Variants in RAP1GAP2 observed in about 807,000 individuals in gnomAD.
RAP1GAP2 encodes rap1 GTPase-activating protein 2.
RAP1GAP2 carries 27 observed loss-of-function variants against 95.0 expected under a neutral mutation model. That is an observed-to-expected ratio of 0.28 (90% CI 0.21 to 0.39). The LOEUF (loss-of-function observed/expected upper bound fraction) is 0.39, where lower values mean the gene tolerates loss of function less well. Ranked by LOEUF, RAP1GAP2 falls within the 10% of genes least tolerant of loss-of-function variation. The probability of loss-of-function intolerance (pLI) is 1.00; values close to 1 mark genes in which losing one functional copy is unlikely to be tolerated. For synonymous variants in RAP1GAP2, 373 were observed against 380.9 expected, an observed-to-expected ratio of 0.98 and a Z score of 0.24; for missense variants, 771 against 970.0, an observed-to-expected ratio of 0.79 and a Z score of 2.72.
At position 2,965,489 on chromosome 17, in the gene RAP1GAP2, A is replaced by T; in HGVS notation, c.493-51A>T. Reference sequence around the variant, plus strand: ...GAAGGAGGTGGTTTAGGGGGAACATACCTGGAAGGTTTCTTCCTCCTTCCT... The same window carrying T: ...GAAGGAGGTGGTTTAGGGGGAACATTCCTGGAAGGTTTCTTCCTCCTTCCT... On this transcript the variant is annotated intron_variant, in intron 7 of 24. Transcript: ENST00000254695. This position sits in a 1 kb window ranked among gnomAD's most constrained non-coding sequence, Gnocchi z 4.7. 1 of 1,421,494 alleles carries T rather than the reference A, an allele frequency of 7.0e-7. No homozygotes were observed. The highest frequency in any genetic ancestry group is 1.2e-5 in the South Asian group (1 of 81,642). The allele number at this position is 1,421,494 out of a possible 1,614,324, so 88.1% of individuals were successfully genotyped here.
intron 1 of RAP1GAP2, among the ~76,000 whole-genome samples, chr17:2,786,197 A>T (rs1308461656): frequency 6.6e-6 from 1 of 152,188 alleles, no homozygotes; most frequent in East Asian, 1.9e-4. Context: ...CACCGCGCCC[A>T]GCCTGGAGTT....
chr17:3,034,082 G>C lies in RAP1GAP2; in HGVS notation c.*721G>C, dbSNP rs1258381355. On this transcript the variant is annotated 3_prime_UTR_variant, in exon 25 of 25. Coordinates refer to ENST00000254695, the MANE Select transcript of RAP1GAP2 (RefSeq NM_015085.5). This position sits in a 1 kb window ranked among gnomAD's most constrained non-coding sequence, Gnocchi z 5.1. ...CCAGAGCTGGACGGGCCAGAACTGCGCTGCACACTTCCTGGACTGAGGCGG... is the reference window on the plus strand; with the variant it reads ...CCAGAGCTGGACGGGCCAGAACTGCCCTGCACACTTCCTGGACTGAGGCGG... The C allele has an allele frequency of 1.3e-5, 2 of 153,716 alleles. No homozygotes were observed. Among genetic ancestry groups the C allele is most frequent in the Admixed American group, 1.3e-4 (2 of 15,292 alleles). The allele number at this position is 153,716 out of a possible 1,614,324, so 9.5% of individuals were successfully genotyped here.
At chr17:2,962,057 C>G (rs2044358231) in intron 4 of RAP1GAP2, among the ~76,000 whole-genome samples, 1 of 152,130 alleles carries the variant, frequency 6.6e-6, no homozygotes, top group Non-Finnish European at 1.5e-5. Flanking sequence ...CATGCGCCAC[C>G]ACGCCCAGCT....
At chr17:2,853,206 A>G (rs567416926) in intron 2 of RAP1GAP2, among the ~76,000 whole-genome samples, 3,434 of 151,948 alleles carry the variant, frequency 0.023, 51 homozygotes, top group Non-Finnish European at 0.031. Flanking sequence ...CGTTCCTCCC[A>G]TCCGCAAGCT....
chr17:2,894,707 G>C (rs1717919106), intron 2 of RAP1GAP2, among the ~76,000 whole-genome samples: 1 of 152,150 alleles, frequency 6.6e-6, no homozygotes, highest in African/African-American at 2.4e-5. Flanking sequence ...CTGAAACCCA[G>C]GTTACTTGGT....
chr17:2,879,002 T>C (rs12103560), intron 2 of RAP1GAP2, among the ~76,000 whole-genome samples: 3,956 of 152,182 alleles, frequency 0.026, 175 homozygotes, highest in African/African-American at 0.088. Flanking sequence ...CAGTGCTCAG[T>C]GAGGTTCTGT....
chr17:2,902,489 G>A lies in RAP1GAP2; in HGVS notation c.81-2795G>A, dbSNP rs2042058006. ...CCGTCTCAGCCTCCCAAAATGGTGG[G>A]ATTACAGGCATGAGCCACCGCTCTG... On this transcript the variant is annotated intron_variant, in intron 2 of 24. Coordinates refer to ENST00000254695, the MANE Select transcript of RAP1GAP2 (RefSeq NM_015085.5). The surrounding 1 kb of genome is among the most constrained non-coding windows in gnomAD (Gnocchi z 4.1). Among the ~76,000 whole-genome samples the A allele has an allele frequency of 6.6e-6, 1 of 152,138 alleles. No homozygotes were observed. The highest frequency in any genetic ancestry group is 1.5e-5 in the Non-Finnish European group (1 of 68,018).
At chr17:2,883,346 G>A (rs1427785064) in intron 2 of RAP1GAP2, among the ~76,000 whole-genome samples, 3 of 152,198 alleles carry the variant, frequency 2.0e-5, no homozygotes, top group Non-Finnish European at 4.4e-5. Context: ...CATTTCTCTC[G>A]GGGTTCTGGG....
chr17:2,807,263 C>T (rs761774249), intron 2 of RAP1GAP2, among the ~76,000 whole-genome samples: 2 of 152,196 alleles, frequency 1.3e-5, no homozygotes, highest in East Asian at 1.9e-4. Flanking sequence ...TTCATTCCCC[C>T]ACCTTTGGCC....
intron 3 of RAP1GAP2, among the ~76,000 whole-genome samples, chr17:2,915,143 CA>C (rs1408761790): frequency 1.3e-5 from 2 of 152,140 alleles, no homozygotes; most frequent in Non-Finnish European, 2.9e-5. Context: ...GGGTTGGTCT[CA>C]AACTCTGGCC....
In RAP1GAP2 at chr17:2,906,192, G is replaced by T. The variant is rs2042194265; in HGVS notation, c.165+824G>T. ...CTGAGTCATCTGAGGGGACATCTAG[G>T]CCAGCTCCTCTCTGTCCTGGGGCTG... is the stretch of plus-strand genomic sequence containing the variant. On this transcript the variant is annotated intron_variant, in intron 3 of 24. Coordinates refer to ENST00000254695, the MANE Select transcript of RAP1GAP2 (RefSeq NM_015085.5). This position sits in a 1 kb window ranked among gnomAD's most constrained non-coding sequence, Gnocchi z 4.3. Among the ~76,000 whole-genome samples the T allele has an allele frequency of 6.6e-6, 1 of 152,094 alleles. No individual in the cohort carries two copies. Among genetic ancestry groups the T allele is most frequent in the Admixed American group, 6.5e-5 (1 of 15,272 alleles).
chr17:2,993,082 C>T (rs1226082487), intron 12 of RAP1GAP2, among the ~76,000 whole-genome samples: 2 of 148,506 alleles, frequency 1.3e-5, no homozygotes, highest in African/African-American at 5.0e-5. Context: ...ATTAGGCAGG[C>T]ATGGTGGCAG....
chr17:2,892,614 T>C (rs566355783), intron 2 of RAP1GAP2, among the ~76,000 whole-genome samples: 2 of 152,304 alleles, frequency 1.3e-5, no homozygotes, highest in South Asian at 2.1e-4. Context: ...TCTCTCTCCA[T>C]GTAGCCTCTC....
intron 22 of RAP1GAP2, among the ~76,000 whole-genome samples, chr17:3,030,350 G>A (rs1039065343): frequency 2.0e-5 from 3 of 151,946 alleles, no homozygotes; most frequent in Non-Finnish European, 4.4e-5. Flanking sequence ...CAATGTAATC[G>A]CTGCAGACAC....
intron 3 of RAP1GAP2, among the ~76,000 whole-genome samples, chr17:2,930,692 T>G (rs753904627): frequency 6.6e-6 from 1 of 152,120 alleles, no homozygotes; most frequent in Non-Finnish European, 1.5e-5. Flanking sequence ...CTCTAACGTG[T>G]CCTCCTTTAC....
chr17:2,865,888 C>G (rs1166762620), intron 2 of RAP1GAP2, among the ~76,000 whole-genome samples: 1 of 152,226 alleles, frequency 6.6e-6, no homozygotes, highest in East Asian at 1.9e-4. Context: ...AATGCAAATG[C>G]AAGCTGCAGT....
intron 2 of RAP1GAP2, among the ~76,000 whole-genome samples, chr17:2,878,443 A>G (rs2073166575): frequency 6.6e-6 from 1 of 151,878 alleles, no homozygotes; most frequent in African/African-American, 2.4e-5. Flanking sequence ...GGGCATAGGG[A>G]GGGTGGTCAG....
At position 2,855,674 on chromosome 17, in the gene RAP1GAP2, G is replaced by A. The variant is rs898620265; in HGVS notation, c.81-49610G>A. Among the ~76,000 whole-genome samples the A allele has an allele frequency of 4.6e-5, 7 of 152,098 alleles. No individual in the cohort carries two copies. The highest frequency in any genetic ancestry group is 1.2e-4 in the African/African-American group (5 of 41,394). ...TTAGCCCAAGCTGGAGTACAGTGGC[G>A]CCATCTCGGCCCACTGCAACCTCCA... On this transcript the variant is annotated intron_variant, in intron 2 of 24. Transcript: ENST00000254695. The surrounding 1 kb of genome is among the most constrained non-coding windows in gnomAD (Gnocchi z 4.3).
intron 12 of RAP1GAP2, among the ~76,000 whole-genome samples, chr17:2,993,212 ACT>A (rs1288454153): frequency 6.8e-6 from 1 of 146,226 alleles, no homozygotes; most frequent in Non-Finnish European, 1.5e-5. Context: ...ATAGAGGGAG[ACT>A]CTGTCAAAAA....
Sources: gnomAD v4.1 joint callset for allele counts (sites outside exome capture counted in the v4.1 genomes callset) on GRCh38, gnomAD v4.1.1 for gene constraint, Gnocchi (gnomAD v3.1) non-coding constraint, MANE v1.5 for transcripts, NCBI Gene and HGNC (gene_info 2026-07-23, HGNC 2026-07-21) for gene names.